The following GRM1 variants were observed in gnomAD, a reference collection of about 807,000 sequenced individuals.
The protein encoded by GRM1 is metabotropic glutamate receptor 1.
GRM1 carries 33 observed loss-of-function variants against 90.9 expected under a neutral mutation model. The observed-to-expected ratio is 0.36, with a 90% CI of 0.28 to 0.49. The LOEUF (loss-of-function observed/expected upper bound fraction) is 0.49. GRM1 is among the 20% of genes least tolerant of loss of function. The pLI is 0.99. For synonymous variants in GRM1, 700 were observed against 613.2 expected (o/e 1.14, Z -2.09); for missense variants, 1,190 against 1,534.3 (o/e 0.78, Z 3.75).
At chr6:146,047,450 G>A (rs763421278) in intron 1 of GRM1, among the ~76,000 whole-genome samples, 1 of 151,788 alleles carries the variant, frequency 6.6e-6, no homozygotes, top group East Asian at 1.9e-4. Context: ...CAAACTTATT[G>A]CAATGTTTTG....
Position 146,254,800 on chromosome 6 carries a change from C to G in GRM1, c.951-49811C>G, listed in dbSNP as rs1027656946. ...GTACATTGTACCAAATATTAGCAAACTGTAAATATCAGTTCTTATATCATC... is the reference window on the plus strand; with the variant it reads ...GTACATTGTACCAAATATTAGCAAAGTGTAAATATCAGTTCTTATATCATC... On this transcript the variant is annotated intron_variant, in intron 2 of 7. Coordinates refer to ENST00000282753, the MANE Select transcript of GRM1 (RefSeq NM_001278064.2). 2.0e-5 allele frequency among the ~76,000 whole-genome samples: 3 copies of G among 152,194 alleles called. No homozygotes were observed. In the East Asian group the frequency reaches 5.8e-4, roughly 29 times the overall value.
At chr6:146,388,972 G>C (rs1776610028) in intron 6 of GRM1, among the ~76,000 whole-genome samples, 1 of 152,024 alleles carries the variant, frequency 6.6e-6, no homozygotes, top group African/African-American at 2.4e-5. Flanking sequence ...CTCTCACTCT[G>C]CCATGGTTGC....
At chr6:146,246,568 G>A (rs1781066572) in intron 2 of GRM1, among the ~76,000 whole-genome samples, 1 of 152,166 alleles carries the variant, frequency 6.6e-6, no homozygotes, top group Admixed American at 6.5e-5. Flanking sequence ...TCCACAGAAA[G>A]GTCAGAGACT....
At chr6:146,432,594 C>T (rs563697806) in intron 7 of GRM1, among the ~76,000 whole-genome samples, 61 of 152,236 alleles carry the variant, frequency 4.0e-4, no homozygotes, top group African/African-American at 1.3e-3. Flanking sequence ...TTTTTATATT[C>T]CTTTTAATGT....
intron 2 of GRM1, among the ~76,000 whole-genome samples, chr6:146,221,688 T>A (rs539992772): frequency 6.6e-6 from 1 of 152,256 alleles, no homozygotes; most frequent in East Asian, 1.9e-4. Flanking sequence ...TAGAATGATT[T>A]ATAATCCTTT....
intron 3 of GRM1, 110 bp from the exon 4 acceptor site, chr6:146,352,140 C>A: frequency 9.1e-7 from 1 of 1,102,558 alleles, no homozygotes; most frequent in Non-Finnish European, 1.4e-6. Flanking sequence ...CTGCCAGTGT[C>A]ATTGCTCATT....
chr6:146,128,620 C>T (rs1776282906), intron 1 of GRM1, among the ~76,000 whole-genome samples: 1 of 152,110 alleles, frequency 6.6e-6, no homozygotes, highest in South Asian at 2.1e-4. Flanking sequence ...TCTAAATTTG[C>T]TATCCAAATT....
At chr6:146,227,383 C>T (rs1009901415) in intron 2 of GRM1, among the ~76,000 whole-genome samples, 1 of 152,112 alleles carries the variant, frequency 6.6e-6, no homozygotes, top group Non-Finnish European at 1.5e-5. Flanking sequence ...ACATAATTTA[C>T]ACTAGGGTTT....
chr6:146,107,373 T>A (rs910038774), intron 1 of GRM1, among the ~76,000 whole-genome samples: 9 of 149,528 alleles, frequency 6.0e-5, no homozygotes, highest in African/African-American at 2.3e-4. Flanking sequence ...TTTTTTTTTT[T>A]ATGGTTTTAA....
At chr6:146,049,703 C>CTAT in intron 1 of GRM1, among the ~76,000 whole-genome samples, 1 of 148,576 alleles carries the variant, frequency 6.7e-6, no homozygotes, top group South Asian at 2.1e-4. Context: ...ATCTATCTAT[C>CTAT]ATCTCATGTT....
chr6:146,345,597 G>A, intron 3 of GRM1, among the ~76,000 whole-genome samples: 1 of 152,278 alleles, frequency 6.6e-6, no homozygotes, highest in African/African-American at 2.4e-5. Context: ...ACATACCATT[G>A]CTTGGGATTC....
intron 2 of GRM1, among the ~76,000 whole-genome samples, chr6:146,270,849 T>TTTTC (rs1164507964): frequency 0.019 from 1,758 of 91,630 alleles, 154 homozygotes; most frequent in East Asian, 0.032. Context: ...CTTTCTTTCT[T>TTTTC]TTTCTTTCTT....
chr6:146,338,680 A>C (rs1202296091), intron 3 of GRM1, among the ~76,000 whole-genome samples: 2 of 152,190 alleles, frequency 1.3e-5, no homozygotes, highest in Non-Finnish European at 2.9e-5. Context: ...TGATTTGTTA[A>C]AGTTCAATAA....
At chr6:146,097,478 T>C (rs1776910178) in intron 1 of GRM1, among the ~76,000 whole-genome samples, 1 of 152,184 alleles carries the variant, frequency 6.6e-6, no homozygotes, top group Non-Finnish European at 1.5e-5. Flanking sequence ...TAGAATTTCA[T>C]AAATAATTCT....
intron 3 of GRM1, among the ~76,000 whole-genome samples, chr6:146,322,973 G>A (rs906728796): frequency 1.3e-5 from 2 of 152,100 alleles, no homozygotes; most frequent in Non-Finnish European, 2.9e-5. Flanking sequence ...TGGTGTATAT[G>A]TGCCACATTT....
At chr6:146,207,598 A>C (rs1165850273) in intron 2 of GRM1, among the ~76,000 whole-genome samples, 1 of 152,178 alleles carries the variant, frequency 6.6e-6, no homozygotes, top group Non-Finnish European at 1.5e-5. Flanking sequence ...ATTTTTCTGC[A>C]GAGAGGAGTA....
At chr6:146,275,621 T>TA (rs1182214981) in intron 2 of GRM1, among the ~76,000 whole-genome samples, 1 of 152,166 alleles carries the variant, frequency 6.6e-6, no homozygotes, top group African/African-American at 2.4e-5. Flanking sequence ...CTCTAGCTCT[T>TA]ACTTAGAATC....
chr6:146,173,002 C>T (rs1047173141), intron 2 of GRM1, among the ~76,000 whole-genome samples: 3 of 152,036 alleles, frequency 2.0e-5, no homozygotes, highest in South Asian at 2.1e-4. Flanking sequence ...GGAGAGTGAG[C>T]GAATGACTGG....
chr6:146,386,847 TG>T, intron 5 of GRM1, 42 bp from the exon 6 acceptor site: 1 of 1,528,198 alleles, frequency 6.5e-7, no homozygotes, highest in Non-Finnish European at 9.1e-7. Flanking sequence ...GAAGCTTTTC[TG>T]GGAAAACTAT....
Sources: allele counts gnomAD v4.1 joint callset (sites outside exome capture counted in the v4.1 genomes callset), GRCh38; gene constraint gnomAD v4.1.1; transcripts MANE v1.5; gene names NCBI Gene and HGNC (gene_info 2026-07-23, HGNC 2026-07-21).